Variants in PCDHGA3 observed in about 807,000 individuals in gnomAD.
The protein encoded by PCDHGA3 is protocadherin gamma subfamily A, 3.
In PCDHGA3, 40 loss-of-function variants were observed where a neutral mutation model predicts 58.5. That is an observed-to-expected ratio of 0.68 (90% CI 0.53 to 0.89). PCDHGA3 has a LOEUF of 0.89. Among genes scored for constraint, PCDHGA3 ranks in the 40% least tolerant of loss-of-function variants. The pLI is 0.00. For synonymous variants in PCDHGA3, 530 were observed against 525.7 expected (o/e 1.01, Z -0.11); for missense variants, 1,223 against 1,195.9 (o/e 1.02, Z -0.33).
At chr5:141,353,748 C>T (rs557671529) in intron 1 of PCDHGA3, among the ~76,000 whole-genome samples, 3 of 152,206 alleles carry the variant, frequency 2.0e-5, no homozygotes, top group African/African-American at 4.8e-5. Flanking sequence ...AATCTATAAA[C>T]ATGTTGAGAT....
chr5:141,497,385 C>T (rs2154592097), intron 2 of PCDHGA3, among the ~76,000 whole-genome samples: 1 of 152,212 alleles, frequency 6.6e-6, no homozygotes, highest in African/African-American at 2.4e-5. Flanking sequence ...GGGGTGAGCA[C>T]CTTACCCCTG....
rs181495329 is a variant in PCDHGA3, at chr5:141,489,120, G to A, written c.2425-5687G>A. ...AACTGCTGCAAGCAGGCAAACCTCC[G>A]AGCAGTTTTTAAGAGGCTGGAAGGA... is the stretch of plus-strand genomic sequence containing the variant. On this transcript the variant is annotated intron_variant, in intron 1 of 3. Coordinates refer to ENST00000253812, the MANE Select transcript of PCDHGA3 (RefSeq NM_018916.4). This position sits in a 1 kb window ranked among gnomAD's most constrained non-coding sequence, Gnocchi z 4.5. 1.8e-5 allele frequency: 8 copies of A among 445,672 alleles called. No homozygotes were observed. The East Asian group carries it at 1.9e-4, about 11-fold the overall frequency. The allele number at this position is 445,672 out of a possible 1,614,324, so 27.6% of individuals were successfully genotyped here.
At chr5:141,482,530 CAAA>C (rs3074545) in intron 1 of PCDHGA3, among the ~76,000 whole-genome samples, 29 of 76,552 alleles carry the variant, frequency 3.8e-4, no homozygotes, top group African/African-American at 9.1e-4. Context: ...GACAGACATG[CAAA>C]AAAAAAAAAA....
chr5:141,376,672 TA>T, intron 1 of PCDHGA3: 1 of 691,294 alleles, frequency 1.4e-6, no homozygotes, highest in Non-Finnish European at 2.3e-6. Flanking sequence ...CAGGTGAGGG[TA>T]TCGTTTTTTT....
At chr5:141,482,356 G>T (rs1330274684) in intron 1 of PCDHGA3, among the ~76,000 whole-genome samples, 1 of 152,236 alleles carries the variant, frequency 6.6e-6, no homozygotes, top group East Asian at 1.9e-4. Flanking sequence ...TGTTGTGAGA[G>T]TGAAAAGTAA....
In PCDHGA3 at chr5:141,346,052, C is replaced by A. The variant is rs1421080546; in HGVS notation, c.2019C>A (p.Ala673=). 6.2e-7 allele frequency: 1 copy of A among 1,613,460 alleles called. No individual in the cohort carries two copies. The highest frequency in any genetic ancestry group is 1.7e-5 in the Admixed American group (1 of 59,990). ...CCGACAGGATCCCCGACATCCTGGC[C>A]GACCTGGGCAGCCTCGAGCCCTCCG... ...AVADRIPDIL[A]DLGSLEPSAK... Residue 673 remains alanine (A), a synonymous_variant, in exon 1 of 4, where the codon GCC becomes GCA. Coordinates refer to ENST00000253812, the MANE Select transcript of PCDHGA3 (RefSeq NM_018916.4).
rs373297942 is a variant in PCDHGA3, at chr5:141,431,494, C to T, written c.2425-63313C>T. On this transcript the variant is annotated intron_variant, in intron 1 of 3. Coordinates refer to ENST00000253812, the MANE Select transcript of PCDHGA3 (RefSeq NM_018916.4). This position sits in a 1 kb window ranked among gnomAD's most constrained non-coding sequence, Gnocchi z 4.8. ...ACAACGCACCAGCGTTTGCTCAGCC[C>T]GAGTACCGCGCGAGCGTTCCGGAGA... 107 of 1,613,838 alleles carry T rather than the reference C, an allele frequency of 6.6e-5. No homozygotes were observed. Among genetic ancestry groups the T allele is most frequent in the Middle Eastern group, 1.6e-4 (1 of 6,084 alleles).
intron 1 of PCDHGA3, chr5:141,376,844 G>C (rs897403160): frequency 1.7e-5 from 4 of 242,114 alleles, no homozygotes; most frequent in Non-Finnish European, 3.2e-5. Context: ...CCGCCACCGC[G>C]CCCGGCTAAT....
At chr5:141,419,602 C>G (rs757423030) in intron 1 of PCDHGA3, 3 of 1,611,874 alleles carry the variant, frequency 1.9e-6, no homozygotes, top group African/African-American at 2.7e-5. Context: ...TGCCGCGGGC[C>G]GCGCAGCCAG....
chr5:141,355,930 C>G, intron 1 of PCDHGA3: 19 of 1,613,870 alleles, frequency 1.2e-5, no homozygotes, highest in Non-Finnish European at 1.6e-5. Flanking sequence ...CGTGTTCACT[C>G]AGCCCGAGTA....
intron 1 of PCDHGA3, chr5:141,376,448 G>A: frequency 6.2e-7 from 1 of 1,614,174 alleles, no homozygotes. Context: ...TGAGAAAAGC[G>A]AGCCTCTTCT....
At chr5:141,392,732 T>C in intron 1 of PCDHGA3, 1 of 1,414,588 alleles carries the variant, frequency 7.1e-7, no homozygotes. Context: ...AGGATTGTCA[T>C]CTCCATAGCT....
At position 141,404,066 on chromosome 5, in the gene PCDHGA3, C is replaced by G. The variant is rs745515085; in HGVS notation, c.2424+57609C>G. The G allele has an allele frequency of 3.1e-6, 5 of 1,613,776 alleles. No individual in the cohort carries two copies. The East Asian group carries it at 8.9e-5, about 29-fold the overall frequency. On this transcript the variant is annotated intron_variant, in intron 1 of 3. Transcript: ENST00000253812. ...AACAGTAATTCTTCTTTTCAATGCT[C>G]ATGACCGAGACTCCGGGAAGAATGG...
intron 1 of PCDHGA3, chr5:141,404,343 A>G (rs2094516679): frequency 3.1e-6 from 5 of 1,613,902 alleles, no homozygotes; most frequent in Non-Finnish European, 4.2e-6. Flanking sequence ...CTCCCGGAAA[A>G]CAACGCCAGA....
At position 141,485,566 on chromosome 5, in the gene PCDHGA3, C is replaced by T. The variant is rs768144422; in HGVS notation, c.2425-9241C>T. The T allele has an allele frequency of 6.2e-7, 1 of 1,612,926 alleles. No homozygotes were observed. Among genetic ancestry groups the T allele is most frequent in the African/African-American group, 1.3e-5 (1 of 75,016 alleles). ...TCGTAGATGTGAATGATCACGCCCC[C>T]CGTTTTCCGCGGCAGCAGCTGGACT... On this transcript the variant is annotated intron_variant, in intron 1 of 3. Transcript: ENST00000253812. The surrounding 1 kb of genome is among the most constrained non-coding windows in gnomAD (Gnocchi z 5.7).
intron 1 of PCDHGA3, chr5:141,403,422 C>G: frequency 6.2e-7 from 1 of 1,614,030 alleles, no homozygotes; most frequent in Non-Finnish European, 8.5e-7. Flanking sequence ...CTTCCAGAAG[C>G]TATTGATCCG....
At chr5:141,355,917 T>C (rs538796381) in intron 1 of PCDHGA3, 1 of 1,613,796 alleles carries the variant, frequency 6.2e-7, no homozygotes, top group East Asian at 2.2e-5. Context: ...ACGATAATGC[T>C]CCCGTGTTCA....
chr5:141,360,034 G>A (rs1436602507), intron 1 of PCDHGA3: 2 of 1,398,676 alleles, frequency 1.4e-6, no homozygotes, highest in African/African-American at 1.5e-5. Flanking sequence ...GTATAGATTC[G>A]GAAACAGAAA....
chr5:141,380,571 T>C (rs529430145), intron 1 of PCDHGA3, among the ~76,000 whole-genome samples: 2 of 152,352 alleles, frequency 1.3e-5, no homozygotes, highest in African/African-American at 4.8e-5. Context: ...ATTAAACATA[T>C]CTTGGCGGTC....
Sources: gnomAD v4.1 joint callset for allele counts (sites outside exome capture counted in the v4.1 genomes callset) on GRCh38, gnomAD v4.1.1 for gene constraint, Gnocchi (gnomAD v3.1) non-coding constraint, MANE v1.5 for transcripts, NCBI Gene and HGNC (gene_info 2026-07-23, HGNC 2026-07-21) for gene names.